The following NRXN1 variants were observed in gnomAD, a reference collection of about 807,000 sequenced individuals.
The protein encoded by NRXN1 is neurexin 1, also known as neurexin-1.
NRXN1 carries 39 observed loss-of-function variants against 150.9 expected under a neutral mutation model. The observed-to-expected ratio is 0.26, with a 90% CI of 0.20 to 0.34. The LOEUF is 0.34. Ranked by LOEUF, NRXN1 falls within the 10% of genes least tolerant of loss-of-function variation. NRXN1 has a pLI of 1.00. For missense variants in NRXN1, 1,815 were observed against 1,949.9 expected (o/e 0.93, Z 1.30); for synonymous variants, 924 against 757.0 (o/e 1.22, Z -3.62).
intron 5 of NRXN1, among the ~76,000 whole-genome samples, chr2:50,799,721 C>T (rs1707326347): frequency 6.6e-6 from 1 of 152,118 alleles, no homozygotes; most frequent in South Asian, 2.1e-4. Flanking sequence ...GTGCTCTGAT[C>T]ATGTTTAGTC....
chr2:50,305,236 G>A (rs1558491184), intron 17 of NRXN1, among the ~76,000 whole-genome samples: 1 of 152,134 alleles, frequency 6.6e-6, no homozygotes, highest in Non-Finnish European at 1.5e-5. Flanking sequence ...TTCAGAAACA[G>A]AAACGAGTTA....
intron 8 of NRXN1, among the ~76,000 whole-genome samples, chr2:50,568,273 C>G (rs1260905155): frequency 6.6e-6 from 1 of 151,932 alleles, no homozygotes; most frequent in East Asian, 1.9e-4. Context: ...CGTAGGCAAC[C>G]AAAGCAAAAA....
chr2:50,615,007 A>C (rs1678838827), intron 8 of NRXN1, among the ~76,000 whole-genome samples: 1 of 152,182 alleles, frequency 6.6e-6, no homozygotes, highest in Non-Finnish European at 1.5e-5. Context: ...CAAGGAAAGG[A>C]ATCAAGCATT....
At chr2:50,658,585 CTT>C (rs1236622351) in intron 5 of NRXN1, among the ~76,000 whole-genome samples, 1 of 152,072 alleles carries the variant, frequency 6.6e-6, no homozygotes, top group Non-Finnish European at 1.5e-5. Context: ...AAAACAGACT[CTT>C]TGGCCGTTCC....
chr2:50,938,765 A>G (rs1688928787), intron 2 of NRXN1, among the ~76,000 whole-genome samples: 1 of 152,194 alleles, frequency 6.6e-6, no homozygotes, highest in South Asian at 2.1e-4. Flanking sequence ...TAAATGAAGA[A>G]TGAATGACCC....
chr2:50,606,817 TA>T (rs1677208740), intron 8 of NRXN1, among the ~76,000 whole-genome samples: 1 of 152,106 alleles, frequency 6.6e-6, no homozygotes, highest in Admixed American at 6.6e-5. Context: ...AAGTAATACT[TA>T]AAGAAAAACT....
intron 17 of NRXN1, among the ~76,000 whole-genome samples, chr2:50,408,870 T>G (rs972002960): frequency 5.7e-5 from 8 of 139,938 alleles, no homozygotes; most frequent in Non-Finnish European, 1.2e-4. Flanking sequence ...TCTCTCTCTC[T>G]CTCTCATATT....
chr2:50,687,479 T>G (rs1326937482), intron 5 of NRXN1, among the ~76,000 whole-genome samples: 1 of 152,188 alleles, frequency 6.6e-6, no homozygotes, highest in African/African-American at 2.4e-5. Flanking sequence ...TCCCTCAACG[T>G]CAGGCTTTCA....
At chr2:50,431,927 A>G (rs1480594008) in intron 17 of NRXN1, among the ~76,000 whole-genome samples, 1 of 152,190 alleles carries the variant, frequency 6.6e-6, no homozygotes, top group Non-Finnish European at 1.5e-5. Flanking sequence ...GTTGAATCCT[A>G]TAAGAAGTCA....
intron 18 of NRXN1, among the ~76,000 whole-genome samples, chr2:50,229,211 G>T (rs1464236793): frequency 6.6e-6 from 1 of 151,976 alleles, no homozygotes; most frequent in African/African-American, 2.4e-5. Context: ...TTCTAATGCT[G>T]TAGAATCACC....
chr2:49,934,071 T>A (rs6749430), intron 22 of NRXN1, among the ~76,000 whole-genome samples: 143 of 152,352 alleles, frequency 9.4e-4, no homozygotes, highest in African/African-American at 3.2e-3. Flanking sequence ...GCTCTCTGGC[T>A]CCTATGGTTG....
At chr2:50,272,649 A>T (rs1459794624) in intron 17 of NRXN1, among the ~76,000 whole-genome samples, 3 of 152,162 alleles carry the variant, frequency 2.0e-5, no homozygotes, top group Admixed American at 2.0e-4. Flanking sequence ...CTATGGCATA[A>T]ATAAAATCCA....
chr2:50,603,039 G>T (rs1405315245), intron 8 of NRXN1, among the ~76,000 whole-genome samples: 1 of 152,080 alleles, frequency 6.6e-6, no homozygotes, highest in African/African-American at 2.4e-5. Flanking sequence ...TCTATCCTCT[G>T]GAAGAGATCT....
intron 17 of NRXN1, among the ~76,000 whole-genome samples, chr2:50,362,553 T>C (rs1272042655): frequency 6.6e-6 from 1 of 152,146 alleles, no homozygotes; most frequent in Non-Finnish European, 1.5e-5. Context: ...GAAGGACCTC[T>C]TCAAGGAGAA....
At chr2:50,253,046 T>A (rs971877226) in intron 17 of NRXN1, among the ~76,000 whole-genome samples, 1 of 152,228 alleles carries the variant, frequency 6.6e-6, no homozygotes, top group Non-Finnish European at 1.5e-5. Context: ...TCCATGAGCA[T>A]GGAATGCTTT....
chr2:50,060,626 C>T (rs1365821928), intron 19 of NRXN1, among the ~76,000 whole-genome samples: 1 of 152,034 alleles, frequency 6.6e-6, no homozygotes, highest in Non-Finnish European at 1.5e-5. Context: ...TCCCATAATC[C>T]CCATGTGTCA....
intron 8 of NRXN1, among the ~76,000 whole-genome samples, chr2:50,564,270 T>C (rs1268130847): frequency 1.3e-5 from 2 of 152,202 alleles, no homozygotes; most frequent in Non-Finnish European, 2.9e-5. Context: ...AGGGTAGTCA[T>C]TACTGTTGCT....
chr2:50,745,287 A>C (rs1432369877), intron 5 of NRXN1, among the ~76,000 whole-genome samples: 1 of 147,068 alleles, frequency 6.8e-6, no homozygotes, highest in South Asian at 2.2e-4. Context: ...GCTTATTTTT[A>C]TATTTATATC....
chr2:50,920,034 CT>C, intron 5 of NRXN1: 1 of 380,086 alleles, frequency 2.6e-6, no homozygotes, highest in Non-Finnish European at 5.8e-6. Context: ...TTACAATCAC[CT>C]TTCTCATTTC....
Sources: allele counts gnomAD v4.1 joint callset (sites outside exome capture counted in the v4.1 genomes callset), GRCh38; gene constraint gnomAD v4.1.1; transcripts MANE v1.5; gene names NCBI Gene and HGNC (gene_info 2026-07-23, HGNC 2026-07-21).